Variants in EXOC4 observed in about 807,000 individuals in gnomAD.
The protein encoded by EXOC4 is exocyst complex component 4.
Under a neutral mutation model 107.2 loss-of-function variants are expected in EXOC4, and 71 were observed. The observed-to-expected ratio is 0.66, with a 90% CI of 0.55 to 0.81. The LOEUF (loss-of-function observed/expected upper bound fraction) is 0.81, where lower values mean the gene tolerates loss of function less well. EXOC4 is among the 30% of genes least tolerant of loss of function. EXOC4 has a pLI of 0.00. For missense variants in EXOC4, 1,108 were observed against 1,189.6 expected, an observed-to-expected ratio of 0.93 and a Z score of 1.01; for synonymous variants, 456 against 441.2, an observed-to-expected ratio of 1.03 and a Z score of -0.42.
chr7:134,049,623 T>G (rs1407632024), intron 17 of EXOC4, among the ~76,000 whole-genome samples: 4 of 152,222 alleles, frequency 2.6e-5, no homozygotes, highest in African/African-American at 9.6e-5. Flanking sequence ...GCCTGTGATC[T>G]TAGAGAATCT....
chr7:133,801,996 G>A (rs776490954), intron 10 of EXOC4, among the ~76,000 whole-genome samples: 3 of 152,172 alleles, frequency 2.0e-5, no homozygotes, highest in Non-Finnish European at 4.4e-5. Flanking sequence ...ATAAAACTTA[G>A]TTATAAAAAA....
rs34739382 is a variant in EXOC4, at chr7:134,024,450, C to CAA, written c.2687+16626_2687+16627dup. 4.2e-3 allele frequency among the ~76,000 whole-genome samples: 566 copies of CAA among 134,962 alleles called. 3 individuals are homozygous for CAA. The highest frequency in any genetic ancestry group is 0.014 in the African/African-American group (518 of 37,508). 88.5% of individuals were successfully genotyped at this position (134,962 alleles called of 152,430 possible). On this transcript the variant is annotated intron_variant, in intron 17 of 17. Transcript: ENST00000253861. ...TGGGTTACAGAGTGAGACTCCATCT[C>CAA]AAAAAAAAAAAAGAAGCTAGTATGT... is the stretch of plus-strand genomic sequence containing the variant.
At chr7:133,855,386 G>A (rs766864152) in intron 11 of EXOC4, among the ~76,000 whole-genome samples, 13 of 151,370 alleles carry the variant, frequency 8.6e-5, no homozygotes, top group Non-Finnish European at 7.4e-5. Flanking sequence ...TTCTTCTATC[G>A]AGAAATGAAA....
chr7:133,448,991 G>T (rs973557088), intron 7 of EXOC4, among the ~76,000 whole-genome samples: 1 of 152,168 alleles, frequency 6.6e-6, no homozygotes, highest in Non-Finnish European at 1.5e-5. Context: ...TGTAATCCCA[G>T]CTATTCAGTA....
chr7:133,530,807 G>A (rs1405245546), intron 9 of EXOC4, among the ~76,000 whole-genome samples: 1 of 152,176 alleles, frequency 6.6e-6, no homozygotes, highest in Non-Finnish European at 1.5e-5. Context: ...AAATGGGTTT[G>A]GCACGTATTC....
At chr7:133,800,179 A>T (rs1328696610) in intron 10 of EXOC4, among the ~76,000 whole-genome samples, 1 of 152,188 alleles carries the variant, frequency 6.6e-6, no homozygotes, top group Non-Finnish European at 1.5e-5. Flanking sequence ...AATGAATGTG[A>T]AAGTGACTAA....
intron 9 of EXOC4, chr7:133,484,052 G>T: frequency 6.2e-7 from 1 of 1,613,962 alleles, no homozygotes; most frequent in Non-Finnish European, 8.5e-7. Flanking sequence ...TAGCGGCGAA[G>T]AAATCCACCA....
chr7:133,481,139 G>C (rs1324811788), intron 9 of EXOC4: 1 of 151,730 alleles, frequency 6.6e-6, no homozygotes, highest in Non-Finnish European at 1.5e-5. Context: ...AGTGGAAGTT[G>C]GGTACAAAGA....
chr7:133,569,791 C>T (rs1800981188), intron 9 of EXOC4, among the ~76,000 whole-genome samples: 1 of 152,136 alleles, frequency 6.6e-6, no homozygotes, highest in Admixed American at 6.6e-5. Flanking sequence ...TCTTTTCCTT[C>T]GTAATCAAAT....
In EXOC4 at chr7:134,001,117, G is replaced by C. The variant is rs544863582; in HGVS notation, c.2348+3484G>C. Among the ~76,000 whole-genome samples, 5 of 152,232 alleles carry C rather than the reference G, an allele frequency of 3.3e-5. No individual in the cohort carries two copies. The East Asian group carries it at 9.7e-4, about 29-fold the overall frequency. On this transcript the variant is annotated intron_variant, in intron 15 of 17. Coordinates refer to ENST00000253861, the MANE Select transcript of EXOC4 (RefSeq NM_021807.4). ...CATAAAGCAAATGATACCCCCAAGA[G>C]ATGAAAGACATGGTGAGCCCATTAA...
At chr7:133,688,819 G>C (rs990122510) in intron 10 of EXOC4, among the ~76,000 whole-genome samples, 6 of 152,118 alleles carry the variant, frequency 3.9e-5, no homozygotes, top group Non-Finnish European at 8.8e-5. Context: ...AGAAACCAGA[G>C]GATTCCAGTT....
intron 7 of EXOC4, among the ~76,000 whole-genome samples, chr7:133,380,108 A>G (rs1162913345): frequency 6.6e-6 from 1 of 151,690 alleles, no homozygotes; most frequent in Non-Finnish European, 1.5e-5. Flanking sequence ...GGGATGGGGG[A>G]GGGATAGCAT....
intron 10 of EXOC4, among the ~76,000 whole-genome samples, chr7:133,663,065 AG>A (rs1793732018): frequency 3.3e-5 from 5 of 152,174 alleles, no homozygotes; most frequent in Admixed American, 6.5e-5. Flanking sequence ...AGTGTCTCCT[AG>A]TCTGCATTTT....
chr7:134,007,434 G>A (rs777934572), intron 16 of EXOC4, among the ~76,000 whole-genome samples: 4 of 152,194 alleles, frequency 2.6e-5, no homozygotes, highest in Admixed American at 6.5e-5. Context: ...CAATGCTGGA[G>A]ATGTGGCTAT....
chr7:133,561,813 G>T (rs1358086045), intron 9 of EXOC4, among the ~76,000 whole-genome samples: 2 of 152,226 alleles, frequency 1.3e-5, no homozygotes, highest in Non-Finnish European at 2.9e-5. Context: ...GCGTGCGCGT[G>T]CCCCAAGATG....
At chr7:133,926,042 C>CAAAAAAAAA (rs552126104) in intron 13 of EXOC4, among the ~76,000 whole-genome samples, 4 of 104,686 alleles carry the variant, frequency 3.8e-5, no homozygotes, top group African/African-American at 6.8e-5. Context: ...GACTCCGTCT[C>CAAAAAAAAA]AAAAAAAAAA....
chr7:133,798,311 C>T (rs1335536841), intron 10 of EXOC4, among the ~76,000 whole-genome samples: 1 of 152,096 alleles, frequency 6.6e-6, no homozygotes, highest in Non-Finnish European at 1.5e-5. Context: ...TTAGAGATCT[C>T]CATCATTATA....
chr7:133,836,269 T>C (rs1392448618), intron 11 of EXOC4, among the ~76,000 whole-genome samples: 11 of 152,118 alleles, frequency 7.2e-5, no homozygotes, highest in Non-Finnish European at 1.3e-4. Context: ...TAGACTTCAA[T>C]AGAATGTTAA....
chr7:133,676,401 T>G (rs1379476433), intron 10 of EXOC4, among the ~76,000 whole-genome samples: 1 of 152,066 alleles, frequency 6.6e-6, no homozygotes, highest in Non-Finnish European at 1.5e-5. Flanking sequence ...CAACATAGAG[T>G]AGTTCTAATC....
Sources: gnomAD v4.1 joint callset for allele counts (sites outside exome capture counted in the v4.1 genomes callset) on GRCh38, gnomAD v4.1.1 for gene constraint, MANE v1.5 for transcripts, NCBI Gene and HGNC (gene_info 2026-07-23, HGNC 2026-07-21) for gene names.